The following PEX11B variants were observed in gnomAD, a reference collection of about 807,000 sequenced individuals.
The protein encoded by PEX11B is peroxisomal membrane protein 11B.
A neutral mutation model predicts 28.2 loss-of-function variants in PEX11B; 18 were observed. The observed-to-expected ratio is 0.64, with a 90% CI of 0.44 to 0.95. The LOEUF (loss-of-function observed/expected upper bound fraction) is 0.95. Among genes scored for constraint, PEX11B ranks in the 40% least tolerant of loss-of-function variants. PEX11B has a pLI of 0.00. For missense variants in PEX11B, 305 were observed against 319.8 expected (o/e 0.95, Z 0.35); for synonymous variants, 128 against 128.7 (o/e 0.99, Z 0.04).
chr1:145,917,701 G>A lies in PEX11B; in HGVS notation c.172C>T (p.Leu58Phe). The A allele has an allele frequency of 1.3e-6, 2 of 1,543,194 alleles. No individual in the cohort carries two copies. The highest frequency in any genetic ancestry group is 1.8e-6 in the Non-Finnish European group (2 of 1,114,944). Reference sequence around the variant, plus strand: ...TAAAAGGAAAGACAGAGTTACTTACGCTTTCTTCCAAGGCTCAGGTGGCTC... The same window carrying A: ...TAAAAGGAAAGACAGAGTTACTTACACTTTCTTCCAAGGCTCAGGTGGCTC... ...LESHLSLGRKLLRLGNSADAL... is the reference protein window; with the variant it reads ...LESHLSLGRKFLRLGNSADAL... The change falls in exon 2 of 4, where the codon CTT becomes TTT. Residue 58 changes from leucine to phenylalanine, a missense_variant and splice_region_variant. Leu to Phe is a conservative substitution (Grantham distance 22). Transcript: ENST00000369306.
Position 145,912,496 on chromosome 1 carries a change from C to T in PEX11B, c.445G>A (p.Glu149Lys), listed in dbSNP as rs587606930. ...AYEIRLLMEQ[E>K]SSACSRRLKG... Reference sequence around the variant, plus strand: ...AGTCGCCGGCTACAAGCAGAAGACTCTTGCTCCATCAGTAGGCGAATCTCA... The same window carrying T: ...AGTCGCCGGCTACAAGCAGAAGACTTTTGCTCCATCAGTAGGCGAATCTCA... The change falls in exon 4 of 4, where the codon GAG (glutamate) becomes AAG (lysine). Residue 149 changes from glutamate to lysine, a missense_variant. Glu to Lys is a moderately conservative substitution (Grantham distance 56). Transcript: ENST00000369306. 2.0e-6 allele frequency: 3 copies of T among 1,504,732 alleles called. No individual in the cohort carries two copies. The African/African-American group carries it at 4.2e-5, about 21-fold the overall frequency. The allele number at this position is 1,504,732 out of a possible 1,614,324, so 93.2% of individuals were successfully genotyped here. A position where few individuals can be genotyped will look rare whatever the true frequency, so the allele number is the denominator to read the frequency against.
At chr1:145,918,166 A>G in intron 1 of PEX11B, 1 of 985,450 alleles carries the variant, frequency 1.0e-6, no homozygotes, top group Non-Finnish European at 1.2e-6. Flanking sequence ...AGGGCATTTT[A>G]TTCCTCAGAA....
chr1:145,912,394 G>A lies in PEX11B; in HGVS notation c.547C>T (p.Leu183=), dbSNP rs1174639968. The change falls in exon 4 of 4, where the codon CTG becomes TTG. Residue 183 remains leucine, a synonymous_variant. Coordinates refer to ENST00000369306, the MANE Select transcript of PEX11B (RefSeq NM_003846.3). ...CGAAGTTTCAGAGCCAGTTGGGGCAGACCTCCTCCTGGAGTCCCTGGTCCC... is the reference window on the plus strand; with the variant it reads ...CGAAGTTTCAGAGCCAGTTGGGGCAAACCTCCTCCTGGAGTCCCTGGTCCC... The part of the protein sequence containing the change: ...LGGPGTPGGG[L]PQLALKLRLQ... 1 of 1,608,272 alleles carries A rather than the reference G, an allele frequency of 6.2e-7. No individual in the cohort carries two copies. Among genetic ancestry groups the A allele is most frequent in the Non-Finnish European group, 8.5e-7 (1 of 1,176,792 alleles).
At chr1:145,918,493 C>A in intron 1 of PEX11B, 140 bp downstream of exon 1, 3 of 1,537,480 alleles carry the variant, frequency 2.0e-6, no homozygotes, top group Non-Finnish European at 2.6e-6. Context: ...CTCAAATCTG[C>A]GCCTCACGGT....
chr1:145,916,963 G>A lies in PEX11B; in HGVS notation c.228C>T (p.His76=), dbSNP rs1553754005. 1 of 1,613,794 alleles carries A rather than the reference G, an allele frequency of 6.2e-7. No homozygotes were observed. The highest frequency in any genetic ancestry group is 1.1e-5 in the South Asian group (1 of 91,084). ...DALESAKRAV[H]LSDVVLRFCI... Reference sequence around the variant, plus strand: ...AGAATCTCAGGACAACATCTGATAGGTGAACAGCTCTTTTGGCTGACTCAA... The same window carrying A: ...AGAATCTCAGGACAACATCTGATAGATGAACAGCTCTTTTGGCTGACTCAA... Residue 76 remains histidine, a synonymous_variant, in exon 3 of 4, where the codon CAC becomes CAT. Transcript: ENST00000369306.
rs1570929789 is a variant in PEX11B, at chr1:145,912,028, C to T, written c.*133G>A. 1.6e-6 allele frequency: 1 copy of T among 644,600 alleles called. No individual in the cohort carries two copies. 39.9% of individuals were successfully genotyped at this position (644,600 alleles called of 1,614,324 possible). ...TCCTTACCTCATCTTCCCCAAAGCT[C>T]TTCCTCCACCCCTAAATCTCTGAAT... On this transcript the variant is annotated 3_prime_UTR_variant, in exon 4 of 4. Transcript: ENST00000369306.
In PEX11B at chr1:145,912,429, C is replaced by T; in HGVS notation, c.512G>A (p.Gly171Glu). Residue 171 changes from glycine to glutamate, a missense_variant, in exon 4 of 4, where the codon GGG (glycine) becomes GAG (glutamate). Transcript: ENST00000369306. Reference sequence around the variant, plus strand: ...TGGAGTCCCTGGTCCCCCAAGTCCCCCAGTTTCACTTCCTCCTGGGACTCC... The same window carrying T: ...TGGAGTCCCTGGTCCCCCAAGTCCCTCAGTTTCACTTCCTCCTGGGACTCC... ...GGGVPGGSET[G>E]GLGGPGTPGG... The T allele has an allele frequency of 6.4e-7, 1 of 1,574,082 alleles. No individual in the cohort carries two copies. Among genetic ancestry groups the T allele is most frequent in the South Asian group, 1.2e-5 (1 of 84,592 alleles).
chr1:145,917,961 T>C, intron 1 of PEX11B, 145 bp from the exon 2 acceptor site: 1 of 1,433,496 alleles, frequency 7.0e-7, no homozygotes. Context: ...TCACCATTTC[T>C]CCAGGCCAGA....
chr1:145,918,703 A>C lies in PEX11B; in HGVS notation c.-15T>G. 2.6e-6 allele frequency: 4 copies of C among 1,550,456 alleles called. No individual in the cohort carries two copies. Among genetic ancestry groups the C allele is most frequent in the Non-Finnish European group, 3.5e-6 (4 of 1,148,778 alleles). ...CAGGCGTCCATGACAGCCGCAGCCC[A>C]GGCTCCGCGGCCCTGCTCCCGCCCC... On this transcript the variant is annotated 5_prime_UTR_variant, in exon 1 of 4. Coordinates refer to ENST00000369306, the MANE Select transcript of PEX11B (RefSeq NM_003846.3).
At chr1:145,912,705 T>C in intron 3 of PEX11B, 139 bp from the exon 4 acceptor site, 2 of 550,240 alleles carry the variant, frequency 3.6e-6, no homozygotes, top group Non-Finnish European at 6.1e-6. Context: ...ATTACCCCTA[T>C]TAGAAATGTC....
At chr1:145,915,085 T>C (rs1176830584) in intron 3 of PEX11B, among the ~76,000 whole-genome samples, 1 of 152,238 alleles carries the variant, frequency 6.6e-6, no homozygotes, top group East Asian at 1.9e-4. Context: ...GTATTTTTAG[T>C]AGAGACGGGG....
intron 1 of PEX11B, chr1:145,918,393 C>T: frequency 1.3e-6 from 2 of 1,535,792 alleles, no homozygotes; most frequent in East Asian, 2.4e-5. Flanking sequence ...TATGTGGACA[C>T]AGCAACCCTG....
intron 1 of PEX11B, 90 bp from the exon 2 acceptor site, chr1:145,917,906 T>C: frequency 7.2e-7 from 1 of 1,394,448 alleles, no homozygotes; most frequent in Non-Finnish European, 9.8e-7. Context: ...GACTTCCCCC[T>C]TTCCCAGTTT....
Position 145,917,727 on chromosome 1 carries a change from T to A in PEX11B, c.146A>T (p.Glu49Val). ...CTTTCTTCCAAGGCTCAGGTGGCTC[T>A]CCAGTTGTCGAATCTGTTTCTGTAA... ...PELQKQIRQLESHLSLGRKLL... is the reference protein window; with the variant it reads ...PELQKQIRQLVSHLSLGRKLL... Residue 49 changes from glutamate to valine, a missense_variant, in exon 2 of 4, where the codon GAG becomes GTG. Glu to Val is a moderately radical substitution (Grantham distance 121). Transcript: ENST00000369306. 1.9e-6 allele frequency: 3 copies of A among 1,608,146 alleles called. No homozygotes were observed. The highest frequency in any genetic ancestry group is 2.6e-6 in the Non-Finnish European group (3 of 1,174,450).
At chr1:145,916,733 T>C (rs1570935125) in intron 3 of PEX11B, 84 bp downstream of exon 3, 2 of 954,902 alleles carry the variant, frequency 2.1e-6, no homozygotes, top group East Asian at 4.8e-5. Flanking sequence ...GGAAAGATCC[T>C]AAGATATCTT....
intron 2 of PEX11B, among the ~76,000 whole-genome samples, 186 bp from the exon 3 acceptor site, chr1:145,917,204 G>A (rs1185547340): frequency 6.6e-6 from 1 of 152,174 alleles, no homozygotes; most frequent in Non-Finnish European, 1.5e-5. Context: ...GCCGAGGTGG[G>A]TGGATCACCT....
At chr1:145,917,903 C>T in intron 1 of PEX11B, 87 bp from the exon 2 acceptor site, 2 of 1,398,730 alleles carry the variant, frequency 1.4e-6, no homozygotes, top group South Asian at 2.6e-5. Context: ...ACAGACTTCC[C>T]CCTTTCCCAG....
Position 145,917,820 on chromosome 1 carries a change from G to C in PEX11B, c.57-4C>G. 1 of 1,599,630 alleles carries C rather than the reference G, an allele frequency of 6.3e-7. No homozygotes were observed. Among genetic ancestry groups the C allele is most frequent in the East Asian group, 2.2e-5 (1 of 44,818 alleles). Reference sequence around the variant, plus strand: ...AGAGCAAGCATACTGGGCGGCCCTAGAGGAGAGGGCAGGCAAGGTAAGGTG... The same window carrying C: ...AGAGCAAGCATACTGGGCGGCCCTACAGGAGAGGGCAGGCAAGGTAAGGTG... On this transcript the variant is annotated splice_polypyrimidine_tract_variant and splice_region_variant and intron_variant, in intron 1 of 3. Transcript: ENST00000369306.
rs1657797463 is a variant in PEX11B at position 145,911,737 on chromosome 1, T to C, written c.*424A>G. ...GGAAAAATCTGCCATAAGCCACCTC[T>C]GTGAGAAAAAAGAAGGCAGTTAGAA... On this transcript the variant is annotated 3_prime_UTR_variant, in exon 4 of 4. Coordinates refer to ENST00000369306, the MANE Select transcript of PEX11B (RefSeq NM_003846.3). 1 of 154,962 alleles carries C rather than the reference T, an allele frequency of 6.5e-6. No individual in the cohort carries two copies. Among genetic ancestry groups the C allele is most frequent in the Middle Eastern group, 3.4e-3 (1 of 296 alleles). The allele number at this position is 154,962 out of a possible 1,614,324, so 9.6% of individuals were successfully genotyped here. A position where few individuals can be genotyped will look rare whatever the true frequency, so the allele number is the denominator to read the frequency against.
Sources: allele counts gnomAD v4.1 joint callset (sites outside exome capture counted in the v4.1 genomes callset), GRCh38; gene constraint gnomAD v4.1.1; transcripts MANE v1.5; gene names NCBI Gene and HGNC (gene_info 2026-07-23, HGNC 2026-07-21).